Variants in PLOD2 observed in about 807,000 individuals in gnomAD.
The protein encoded by PLOD2 is procollagen-lysine,2-oxoglutarate 5-dioxygenase 2.
In PLOD2, 65 loss-of-function variants were observed where a neutral mutation model predicts 101.0. The ratio of observed to expected loss-of-function variants is 0.64; its 90% CI spans 0.53 to 0.79. The LOEUF is 0.79. Among genes scored for constraint, PLOD2 ranks in the 30% least tolerant of loss-of-function variants. The probability of loss-of-function intolerance (pLI) is 0.00; values close to 1 mark genes in which losing one functional copy is unlikely to be tolerated. For synonymous variants in PLOD2, 314 were observed against 302.9 expected (o/e 1.04, Z -0.38); for missense variants, 909 against 914.6 (o/e 0.99, Z 0.08).
At chr3:146,115,986 T>C (rs1411308073) in intron 3 of PLOD2, among the ~76,000 whole-genome samples, 3 of 152,166 alleles carry the variant, frequency 2.0e-5, no homozygotes, top group Admixed American at 2.0e-4. Context: ...AGCTCCCATA[T>C]AGCCAAAAAA....
chr3:146,147,861 C>T (rs1298916559), intron 1 of PLOD2, among the ~76,000 whole-genome samples: 1 of 152,180 alleles, frequency 6.6e-6, no homozygotes, highest in African/African-American at 2.4e-5. Context: ...AGTGCACAAG[C>T]ACCCCATCCA....
intron 3 of PLOD2, among the ~76,000 whole-genome samples, chr3:146,115,366 G>A (rs1260418292): frequency 6.6e-6 from 1 of 152,146 alleles, no homozygotes; most frequent in Non-Finnish European, 1.5e-5. Context: ...AGACATGTCA[G>A]TGTTCTATCT....
At chr3:146,144,004 G>A (rs1028069258) in intron 1 of PLOD2, among the ~76,000 whole-genome samples, 4 of 151,938 alleles carry the variant, frequency 2.6e-5, no homozygotes, top group Non-Finnish European at 5.9e-5. Context: ...CCTCAGCTAA[G>A]AGCGTTTATA....
chr3:146,103,818 C>A (rs865777260), intron 6 of PLOD2, among the ~76,000 whole-genome samples: 1 of 123,492 alleles, frequency 8.1e-6, no homozygotes, highest in Non-Finnish European at 1.7e-5. Context: ...CATATCCACA[C>A]GAGCATGTAC....
At chr3:146,109,167 G>A (rs1461118134) in intron 4 of PLOD2, among the ~76,000 whole-genome samples, 1 of 152,202 alleles carries the variant, frequency 6.6e-6, no homozygotes, top group Non-Finnish European at 1.5e-5. Context: ...CTTGAATATG[G>A]AAGTTAAATC....
In PLOD2 at chr3:146,079,060, G is replaced by A. The variant is rs1936439598; in HGVS notation, c.1500+56C>T. 2.6e-5 allele frequency: 41 copies of A among 1,557,600 alleles called. 1 individual carries two copies. In the South Asian group the frequency reaches 4.6e-4, roughly 17 times the overall value. ...ATCAAAACACAGTGACACACCAACT[G>A]GTAAAGCAAGCCATCTTATAAGAAC... On this transcript the variant is annotated intron_variant, in intron 13 of 19. Transcript: ENST00000282903.
At chr3:146,095,640 A>G (rs1473023945) in intron 7 of PLOD2, among the ~76,000 whole-genome samples, 2 of 152,152 alleles carry the variant, frequency 1.3e-5, no homozygotes, top group Non-Finnish European at 2.9e-5. Context: ...ATTGTGGAAG[A>G]GAGTGTAGTG....
chr3:146,107,035 A>G (rs1937546895), intron 4 of PLOD2, among the ~76,000 whole-genome samples: 5 of 152,210 alleles, frequency 3.3e-5, no homozygotes, highest in Admixed American at 3.3e-4. Flanking sequence ...TTCTCTGCGG[A>G]GAACTCACTC....
intron 3 of PLOD2, among the ~76,000 whole-genome samples, chr3:146,114,163 C>T (rs868725862): frequency 7.2e-5 from 11 of 152,080 alleles, no homozygotes; most frequent in Middle Eastern, 3.4e-3. Flanking sequence ...CAATGCATAC[C>T]CGAAATTTCA....
intron 1 of PLOD2, among the ~76,000 whole-genome samples, chr3:146,141,329 C>T (rs1281794445): frequency 6.6e-6 from 1 of 151,972 alleles, no homozygotes; most frequent in East Asian, 1.9e-4. Flanking sequence ...GCATACATTC[C>T]CCAGACGCAG....
At chr3:146,104,435 T>G in intron 5 of PLOD2, 93 bp from the exon 6 acceptor site, 1 of 725,808 alleles carries the variant, frequency 1.4e-6, no homozygotes, top group Non-Finnish European at 2.5e-6. Flanking sequence ...TGAGGGAATT[T>G]AAAGTTTAAT....
At chr3:146,149,507 C>A (rs2031957402) in intron 1 of PLOD2, among the ~76,000 whole-genome samples, 1 of 152,096 alleles carries the variant, frequency 6.6e-6, no homozygotes, top group Non-Finnish European at 1.5e-5. Context: ...ACTGGTGTAA[C>A]ACAGCCATTC....
chr3:146,120,804 A>C (rs948363242), intron 3 of PLOD2, among the ~76,000 whole-genome samples: 1 of 152,054 alleles, frequency 6.6e-6, no homozygotes. Flanking sequence ...GGCTCACTGC[A>C]ACCTTGCTCC....
chr3:146,134,922 A>G (rs748015641), intron 1 of PLOD2, among the ~76,000 whole-genome samples: 1 of 152,208 alleles, frequency 6.6e-6, no homozygotes, highest in African/African-American at 2.4e-5. Flanking sequence ...CCGAAATTAA[A>G]GCAATGAAAA....
chr3:146,111,722 A>T (rs1937640422), intron 3 of PLOD2, among the ~76,000 whole-genome samples: 1 of 36,696 alleles, frequency 2.7e-5, no homozygotes, highest in South Asian at 7.4e-4. Flanking sequence ...CCTGTTTATT[A>T]AAAAAAAAAC....
chr3:146,083,587 T>C (rs1438772892), intron 11 of PLOD2, among the ~76,000 whole-genome samples: 4 of 147,754 alleles, frequency 2.7e-5, no homozygotes, highest in East Asian at 2.0e-4. Context: ...CTTTTTTTTT[T>C]TTTTTTTTTT....
At chr3:146,105,009 G>A (rs1233102339) in intron 5 of PLOD2, 6 of 152,126 alleles carry the variant, frequency 3.9e-5, no homozygotes, top group African/African-American at 7.2e-5. Context: ...CGAATGCAAC[G>A]ACTGAAACTC....
chr3:146,148,334 G>GCATGCACACACA (rs111340998), intron 1 of PLOD2, among the ~76,000 whole-genome samples: 1 of 25,504 alleles, frequency 3.9e-5, no homozygotes, highest in Non-Finnish European at 9.4e-5. Context: ...AGGCAGGCAG[G>GCATGCACACACA]CACGCACACA....
At chr3:146,087,893 G>A (rs187062219) in intron 9 of PLOD2, among the ~76,000 whole-genome samples, 5 of 151,700 alleles carry the variant, frequency 3.3e-5, no homozygotes, top group Non-Finnish European at 7.4e-5. Context: ...CAATGTGAAT[G>A]GTTAGCTGAC....
Sources: allele counts gnomAD v4.1 joint callset (sites outside exome capture counted in the v4.1 genomes callset), GRCh38; gene constraint gnomAD v4.1.1; transcripts MANE v1.5; gene names NCBI Gene and HGNC (gene_info 2026-07-23, HGNC 2026-07-21).